RANBP2: variants seen among roughly 807,000 people sequenced by gnomAD.
The protein encoded by RANBP2 is E3 SUMO-protein ligase RanBP2.
RANBP2 carries 57 observed loss-of-function variants against 303.6 expected under a neutral mutation model. The ratio of observed to expected loss-of-function variants is 0.19; its 90% CI spans 0.15 to 0.23. RANBP2 has a LOEUF of 0.23. Among genes scored for constraint, RANBP2 ranks in the 10% least tolerant of loss-of-function variants. RANBP2 has a pLI of 1.00. For missense variants in RANBP2, 3,138 were observed against 3,780.8 expected, an observed-to-expected ratio of 0.83 and a Z score of 4.46; for synonymous variants, 1,167 against 1,301.5, an observed-to-expected ratio of 0.90 and a Z score of 2.23.
At chr2:109,429,507 C>A in the RANBP2 span, among the ~76,000 whole-genome samples, 1 of 152,176 alleles carries the variant, frequency 6.6e-6, no homozygotes, top group African/African-American at 2.4e-5. Flanking sequence ...CACGTCAGGG[C>A]AGCATCTCCC....
chr2:109,345,647 A>G, the RANBP2 span, among the ~76,000 whole-genome samples: 3 of 152,208 alleles, frequency 2.0e-5, no homozygotes, highest in Non-Finnish European at 4.4e-5. Context: ...ATGGATATCT[A>G]AGTGTCTCCA....
the RANBP2 span, among the ~76,000 whole-genome samples, chr2:108,823,845 C>T: frequency 4.6e-5 from 7 of 151,998 alleles, no homozygotes; most frequent in South Asian, 2.1e-4. Flanking sequence ...GGCGTGGTGG[C>T]GGGCATCTGT....
the RANBP2 span, among the ~76,000 whole-genome samples, chr2:108,927,179 G>A: frequency 6.6e-6 from 1 of 152,220 alleles, no homozygotes; most frequent in African/African-American, 2.4e-5. Context: ...TCTGAGGCAC[G>A]TGCTGAGGGT....
chr2:109,234,603 ATGTT>A, the RANBP2 span, among the ~76,000 whole-genome samples: 1 of 152,196 alleles, frequency 6.6e-6, no homozygotes, highest in Non-Finnish European at 1.5e-5. Context: ...AAAACAATAA[ATGTT>A]TGTTTCTCAT....
At position 108,731,435 on chromosome 2, in the gene RANBP2, C is replaced by A. The variant is rs201782168; in HGVS notation, c.366C>A (p.Ala122=). 4.6e-5 allele frequency: 74 copies of A among 1,611,348 alleles called. No individual in the cohort carries two copies. In the East Asian group the frequency reaches 7.4e-4, roughly 16 times the overall value. ...CAAAATACTGGCTTGAAAGAGCAGC[C>A]AAACTTTTCCCAGGAAGTCCTGCAA... The part of the protein sequence containing the change: ...GRAKYWLERA[A]KLFPGSPAIY... The change falls in exon 4 of 29, where the codon GCC becomes GCA. Residue 122 remains alanine, a synonymous_variant. Transcript: ENST00000283195.
the RANBP2 span, among the ~76,000 whole-genome samples, chr2:109,315,007 A>AGCTGC: frequency 2.6e-5 from 4 of 152,188 alleles, no homozygotes; most frequent in African/African-American, 4.8e-5. Context: ...ACTGTCCCAT[A>AGCTGC]AGGTAGCCAC....
the RANBP2 span, among the ~76,000 whole-genome samples, chr2:109,698,818 T>C: frequency 6.6e-6 from 1 of 152,118 alleles, no homozygotes; most frequent in African/African-American, 2.4e-5. Context: ...TCCCAGCTAC[T>C]TGGGAGGCTG....
At chr2:108,735,484 A>G (rs3902145) in intron 4 of RANBP2, 48 bp from the exon 5 acceptor site, 1 of 1,597,204 alleles carries the variant, frequency 6.3e-7, no homozygotes, top group Non-Finnish European at 8.5e-7. Context: ...CTTGTTTAAA[A>G]TTGCACAAGT....
the RANBP2 span, among the ~76,000 whole-genome samples, chr2:109,369,707 C>T: frequency 6.6e-6 from 1 of 152,294 alleles, no homozygotes; most frequent in South Asian, 2.1e-4. Context: ...CCAGCCTGCC[C>T]TCCTTCTGTG....
intron 9 of RANBP2, among the ~76,000 whole-genome samples, chr2:108,750,250 T>C (rs1675763947): frequency 6.6e-6 from 1 of 152,282 alleles, no homozygotes; most frequent in African/African-American, 2.4e-5. Flanking sequence ...CTTCATGAAT[T>C]CTCTCCCACA....
chr2:109,107,112 A>AT, the RANBP2 span, among the ~76,000 whole-genome samples: 1 of 150,634 alleles, frequency 6.6e-6, no homozygotes, highest in East Asian at 2.0e-4. Context: ...TAGTTTTTGT[A>AT]TTTTTTTAGT....
At chr2:109,035,543 C>G in the RANBP2 span, among the ~76,000 whole-genome samples, 1 of 151,124 alleles carries the variant, frequency 6.6e-6, no homozygotes, top group Non-Finnish European at 1.5e-5. Context: ...CCAGAAACCA[C>G]CAGCAGGCAC....
At chr2:109,332,882 T>A in the RANBP2 span, among the ~76,000 whole-genome samples, 1 of 152,252 alleles carries the variant, frequency 6.6e-6, no homozygotes, top group Non-Finnish European at 1.5e-5. Context: ...CCTTATAGAA[T>A]AAATGGTCAG....
the RANBP2 span, among the ~76,000 whole-genome samples, chr2:109,425,369 AAAC>A: frequency 0.019 from 2,843 of 152,364 alleles, 107 homozygotes; most frequent in African/African-American, 0.065. Flanking sequence ...TGGCGACACT[AAAC>A]AACAGATTTT....
the RANBP2 span, among the ~76,000 whole-genome samples, chr2:109,563,099 C>T: frequency 3.3e-5 from 5 of 152,042 alleles, no homozygotes; most frequent in African/African-American, 1.2e-4. Context: ...TTAGTAAAGA[C>T]GGGGTTTCAC....
the RANBP2 span, among the ~76,000 whole-genome samples, chr2:109,093,404 T>A: frequency 3.9e-4 from 50 of 127,186 alleles, no homozygotes; most frequent in African/African-American, 1.3e-3. Context: ...TGCGGAGATT[T>A]GTAAAAAAAA....
At chr2:108,852,974 G>A in the RANBP2 span, among the ~76,000 whole-genome samples, 1 of 152,154 alleles carries the variant, frequency 6.6e-6, no homozygotes, top group African/African-American at 2.4e-5. Context: ...GCACAATTTT[G>A]TTTGTATCAA....
chr2:109,170,287 C>A, the RANBP2 span, among the ~76,000 whole-genome samples: 1 of 120,922 alleles, frequency 8.3e-6, no homozygotes. Context: ...CTCTTCTCTT[C>A]TCTTCTCTTC....
chr2:109,501,062 C>T, the RANBP2 span, among the ~76,000 whole-genome samples: 2,173 of 152,278 alleles, frequency 0.014, 49 homozygotes, highest in African/African-American at 0.05. Flanking sequence ...TTCAGAGGAA[C>T]CTGCAGAGGG....
Sources: gnomAD v4.1 joint callset for allele counts (sites outside exome capture counted in the v4.1 genomes callset) on GRCh38, gnomAD v4.1.1 for gene constraint, MANE v1.5 for transcripts, NCBI Gene and HGNC (gene_info 2026-07-23, HGNC 2026-07-21) for gene names.